KCNQ3: variants seen among roughly 807,000 people sequenced by gnomAD.
The protein encoded by KCNQ3 is potassium voltage-gated channel subfamily KQT member 3.
KCNQ3 carries 30 observed loss-of-function variants against 92.5 expected under a neutral mutation model. The ratio of observed to expected loss-of-function variants is 0.32; its 90% CI spans 0.24 to 0.44. The LOEUF is 0.44. Ranked by LOEUF, KCNQ3 falls within the 20% of genes least tolerant of loss-of-function variation. The pLI, the probability that KCNQ3 is intolerant of heterozygous loss-of-function variation, is 1.00. For missense variants in KCNQ3, 913 were observed against 1,140.3 expected (o/e 0.80, Z 2.87); for synonymous variants, 450 against 468.8 (o/e 0.96, Z 0.52).
chr8:132,345,540 A>T (rs1336958324), intron 1 of KCNQ3, among the ~76,000 whole-genome samples: 1 of 152,252 alleles, frequency 6.6e-6, no homozygotes, highest in Non-Finnish European at 1.5e-5. Context: ...TGTAATAAAC[A>T]GTATGAAAGA....
rs188673118 is a variant in KCNQ3 at position 132,425,708 on chromosome 8, A to G, written c.386+54439T>C. On this transcript the variant is annotated intron_variant, in intron 1 of 14. Coordinates refer to ENST00000388996, the MANE Select transcript of KCNQ3 (RefSeq NM_004519.4). Reference sequence around the variant, plus strand: ...GAACTCCTGGGGGACTCCTGCTGTAAGGCTTAAGATCCTCCGGCAGCATGA... The same window carrying G: ...GAACTCCTGGGGGACTCCTGCTGTAGGGCTTAAGATCCTCCGGCAGCATGA... 1.1e-3 allele frequency among the ~76,000 whole-genome samples: 174 copies of G among 152,334 alleles called. 1 individual carries two copies. Among genetic ancestry groups the G allele is most frequent in the African/African-American group, 4.1e-3 (169 of 41,572 alleles).
At chr8:132,353,089 G>C (rs563243407) in intron 1 of KCNQ3, among the ~76,000 whole-genome samples, 2 of 152,286 alleles carry the variant, frequency 1.3e-5, no homozygotes, top group African/African-American at 4.8e-5. Flanking sequence ...AGCCAGGCAT[G>C]GTGGTGGGCG....
chr8:132,305,272 T>A (rs568984196), intron 1 of KCNQ3, among the ~76,000 whole-genome samples: 2 of 152,332 alleles, frequency 1.3e-5, no homozygotes, highest in Non-Finnish European at 2.9e-5. Context: ...TGTTCCCAGC[T>A]AATACTACAA....
intron 3 of KCNQ3, 78 bp from the exon 4 acceptor site, chr8:132,180,407 CT>C: frequency 6.6e-7 from 1 of 1,523,814 alleles, no homozygotes; most frequent in Non-Finnish European, 9.0e-7. Flanking sequence ...ATCATAGGTG[CT>C]GTTTGCTGGC....
intron 1 of KCNQ3, among the ~76,000 whole-genome samples, chr8:132,432,548 C>G (rs893068598): frequency 6.6e-6 from 1 of 152,144 alleles, no homozygotes; most frequent in South Asian, 2.1e-4. Flanking sequence ...CATCTCCTTC[C>G]TTAAGAGGCT....
At chr8:132,255,344 G>T (rs776708577) in intron 1 of KCNQ3, among the ~76,000 whole-genome samples, 1 of 152,208 alleles carries the variant, frequency 6.6e-6, no homozygotes, top group African/African-American at 2.4e-5. Flanking sequence ...TTTTCCCTCA[G>T]AGAAGTTTGT....
At chr8:132,457,806 T>C (rs1821975707) in intron 1 of KCNQ3, among the ~76,000 whole-genome samples, 1 of 152,214 alleles carries the variant, frequency 6.6e-6, no homozygotes. Flanking sequence ...CACAGTGGGC[T>C]GGTGGGGCAA....
chr8:132,190,195 T>C (rs1325732532), intron 1 of KCNQ3, among the ~76,000 whole-genome samples: 1 of 152,140 alleles, frequency 6.6e-6, no homozygotes, highest in South Asian at 2.1e-4. Context: ...ACCTCGGATA[T>C]GTATATATGA....
chr8:132,300,219 T>C (rs1382604658), intron 1 of KCNQ3, among the ~76,000 whole-genome samples: 1 of 152,212 alleles, frequency 6.6e-6, no homozygotes, highest in African/African-American at 2.4e-5. Flanking sequence ...GATCATTCTG[T>C]CATGGGAGGT....
chr8:132,227,754 C>T (rs1021922057), intron 1 of KCNQ3, among the ~76,000 whole-genome samples: 1 of 152,146 alleles, frequency 6.6e-6, no homozygotes, highest in African/African-American at 2.4e-5. Flanking sequence ...TGTTCTTGCA[C>T]TTCCAGTGGT....
chr8:132,480,117 C>G (rs755107971), intron 1 of KCNQ3, 30 bp downstream of exon 1: 6 of 1,602,800 alleles, frequency 3.7e-6, no homozygotes, highest in African/African-American at 1.3e-5. Flanking sequence ...GCGCCGCCGC[C>G]GAGGGCGCCC....
intron 1 of KCNQ3, among the ~76,000 whole-genome samples, chr8:132,294,561 T>C (rs1350696636): frequency 1.3e-5 from 2 of 152,202 alleles, no homozygotes; most frequent in Non-Finnish European, 2.9e-5. Context: ...TTTTGAGATT[T>C]ACTTTCTTTA....
chr8:132,132,523 C>A (rs1051327267), intron 13 of KCNQ3, among the ~76,000 whole-genome samples: 2 of 152,244 alleles, frequency 1.3e-5, no homozygotes, highest in Non-Finnish European at 2.9e-5. Context: ...ATTAAGGAGG[C>A]TTTGCTTTGT....
At chr8:132,337,583 G>A (rs911093167) in intron 1 of KCNQ3, among the ~76,000 whole-genome samples, 12 of 152,082 alleles carry the variant, frequency 7.9e-5, no homozygotes, top group African/African-American at 2.9e-4. Context: ...ATGAAGAAGG[G>A]CTGGTACCAA....
intron 9 of KCNQ3, among the ~76,000 whole-genome samples, chr8:132,143,281 A>G (rs1484405361): frequency 6.6e-6 from 1 of 152,052 alleles, no homozygotes; most frequent in Non-Finnish European, 1.5e-5. Flanking sequence ...TAAATGACTA[A>G]TAGGACAGAG....
At chr8:132,319,943 A>G (rs1013277096) in intron 1 of KCNQ3, among the ~76,000 whole-genome samples, 1 of 152,216 alleles carries the variant, frequency 6.6e-6, no homozygotes, top group Non-Finnish European at 1.5e-5. Context: ...CAATCCCCAC[A>G]GCACCTATGG....
intron 8 of KCNQ3, among the ~76,000 whole-genome samples, chr8:132,170,133 A>G (rs983703709): frequency 6.6e-6 from 1 of 152,154 alleles, no homozygotes; most frequent in Admixed American, 6.5e-5. Flanking sequence ...TCGGCCTCCC[A>G]AAGTGCTGGG....
intron 1 of KCNQ3, among the ~76,000 whole-genome samples, chr8:132,299,002 C>T (rs1017502300): frequency 6.6e-6 from 1 of 151,998 alleles, no homozygotes; most frequent in Admixed American, 6.6e-5. Flanking sequence ...TCATATGACA[C>T]AGAGTTTAAC....
At chr8:132,358,588 A>T (rs1819078393) in intron 1 of KCNQ3, among the ~76,000 whole-genome samples, 1 of 152,184 alleles carries the variant, frequency 6.6e-6, no homozygotes, top group Non-Finnish European at 1.5e-5. Flanking sequence ...TCAGAAAAAA[A>T]ATAATATCCC....
Sources: allele counts gnomAD v4.1 joint callset (sites outside exome capture counted in the v4.1 genomes callset), GRCh38; gene constraint gnomAD v4.1.1; transcripts MANE v1.5; gene names NCBI Gene and HGNC (gene_info 2026-07-23, HGNC 2026-07-21).